The following ZFYVE16 variants were observed in gnomAD, a reference collection of about 807,000 sequenced individuals.
ZFYVE16 encodes zinc finger FYVE-type containing 16.
A neutral mutation model predicts 138.1 loss-of-function variants in ZFYVE16; 89 were observed. The observed-to-expected ratio is 0.64, with a 90% confidence interval of 0.54 to 0.77. The LOEUF (loss-of-function observed/expected upper bound fraction) is 0.77. Ranked by LOEUF, ZFYVE16 falls within the 30% of genes least tolerant of loss-of-function variation. ZFYVE16 has a pLI of 0.00. For missense variants in ZFYVE16, 1,793 were observed against 1,786.7 expected (o/e 1.00, Z -0.06); for synonymous variants, 596 against 618.3 (o/e 0.96, Z 0.53).
intron 15 of ZFYVE16, among the ~76,000 whole-genome samples, chr5:80,471,152 A>T (rs112363451): frequency 0.019 from 2,943 of 152,164 alleles, 87 homozygotes; most frequent in African/African-American, 0.066. Flanking sequence ...GTCCATATGG[A>T]TAAGATAGGG....
intron 1 of ZFYVE16, among the ~76,000 whole-genome samples, chr5:80,415,005 G>A (rs905478123): frequency 1.3e-5 from 2 of 152,144 alleles, no homozygotes; most frequent in Non-Finnish European, 2.9e-5. Context: ...GACCATATCC[G>A]TGGTTTATTT....
At chr5:80,452,528 CT>C (rs1241847391) in intron 11 of ZFYVE16, 1 of 145,830 alleles carries the variant, frequency 6.9e-6, no homozygotes, top group Non-Finnish European at 1.5e-5. Flanking sequence ...GTGTTAATTA[CT>C]TTTGCTAAAA....
chr5:80,445,155 T>G, intron 6 of ZFYVE16, 108 bp from the exon 7 acceptor site: 1 of 1,217,822 alleles, frequency 8.2e-7, no homozygotes, highest in Non-Finnish European at 1.1e-6. Flanking sequence ...AATTCAGGGG[T>G]TGCCAGTGGA....
At chr5:80,473,013 C>G in intron 16 of ZFYVE16, 90 bp downstream of exon 16, 1 of 1,141,690 alleles carries the variant, frequency 8.8e-7, no homozygotes, top group East Asian at 2.6e-5. Flanking sequence ...ATTTTATGAA[C>G]GAATATATAC....
chr5:80,412,078 A>G (rs1173863500), intron 1 of ZFYVE16, among the ~76,000 whole-genome samples: 2 of 152,148 alleles, frequency 1.3e-5, no homozygotes, highest in Admixed American at 6.5e-5. Flanking sequence ...ACAGGCGGGC[A>G]TCACCATGCC....
intron 1 of ZFYVE16, among the ~76,000 whole-genome samples, chr5:80,425,981 A>T (rs1309279981): frequency 6.6e-6 from 1 of 152,166 alleles, no homozygotes; most frequent in Non-Finnish European, 1.5e-5. Context: ...TATTAACTGG[A>T]ATTCTTATCT....
Position 80,480,444 on chromosome 5 carries a change from G to T in ZFYVE16, c.*3067G>T, listed in dbSNP as rs866474308. 2.0e-5 allele frequency among the ~76,000 whole-genome samples: 3 copies of T among 148,642 alleles called. No individual in the cohort carries two copies. Among genetic ancestry groups the T allele is most frequent in the Non-Finnish European group, 4.5e-5 (3 of 66,976 alleles). ...GGAGAAACAGCTGGAAAAAAAAACA[G>T]AAGACCTGTAGAGAATACAGTGAAA... On this transcript the variant is annotated 3_prime_UTR_variant, in exon 19 of 19. Transcript: ENST00000505560.
intron 1 of ZFYVE16, among the ~76,000 whole-genome samples, chr5:80,426,768 T>A (rs555179408): frequency 2.2e-4 from 33 of 152,330 alleles, no homozygotes; most frequent in Admixed American, 2.2e-3. Context: ...ATCTTTATAA[T>A]AGAATGATTT....
rs1454699683 is a variant in ZFYVE16, at chr5:80,479,302, C to T, written c.*1925C>T. ...GGCTTATGTCTTTTAATACTACTCT[C>T]TTTCTCTGAATTTTGAAATATGAAG... On this transcript the variant is annotated 3_prime_UTR_variant, in exon 19 of 19. Coordinates refer to ENST00000505560, the MANE Select transcript of ZFYVE16 (RefSeq NM_001284236.3). The T allele has an allele frequency of 6.6e-6, 1 of 152,206 alleles. No homozygotes were observed. Among genetic ancestry groups the T allele is most frequent in the African/African-American group, 2.4e-5 (1 of 41,458 alleles). The allele number at this position is 152,206 out of a possible 1,614,324, so 9.4% of individuals were successfully genotyped here.
rs1755108499 is a variant in ZFYVE16 at position 80,478,525 on chromosome 5, G to A, written c.*1148G>A. On this transcript the variant is annotated 3_prime_UTR_variant, in exon 19 of 19. Transcript: ENST00000505560. ...GCAAAAAAGTGGGGGGCATATTGTA[G>A]TCCTGTCATTTAAGTTATGTAAAAA... 1 of 151,986 alleles carries A rather than the reference G, an allele frequency of 6.6e-6. No homozygotes were observed. Among genetic ancestry groups the A allele is most frequent in the African/African-American group, 2.4e-5 (1 of 41,396 alleles). 9.4% of individuals were successfully genotyped at this position (151,986 alleles called of 1,614,324 possible).
In ZFYVE16 at chr5:80,455,710, C is replaced by G. The variant is rs1282898218; in HGVS notation, c.3626C>G (p.Thr1209Arg). 1 of 1,600,760 alleles carries G rather than the reference C, an allele frequency of 6.2e-7. No individual in the cohort carries two copies. ...AEYKAYPAPL[T>R]SIRGRKPLFG... ...TGTATAGCATATCCTGCTCCTCTAACAAGCATCAGAGGCCGAAAACCTCTT... is the reference window on the plus strand; with the variant it reads ...TGTATAGCATATCCTGCTCCTCTAAGAAGCATCAGAGGCCGAAAACCTCTT... The change falls in exon 12 of 19, where the codon ACA (threonine) becomes AGA (arginine). Residue 1209 changes from threonine to arginine, a missense_variant. Physicochemically the swap from Thr to Arg is moderately conservative, Grantham distance 71. Transcript: ENST00000505560.
chr5:80,481,448 A>G lies in ZFYVE16; in HGVS notation c.*4071A>G, dbSNP rs1419361692. On this transcript the variant is annotated 3_prime_UTR_variant, in exon 19 of 19. Coordinates refer to ENST00000505560, the MANE Select transcript of ZFYVE16 (RefSeq NM_001284236.3). ...GCAAAGGTTCTGAACACTGAATTAC[A>G]GTGTAGGCCACTGTCCAAGTTTCAG... Among the ~76,000 whole-genome samples, 2 of 152,116 alleles carry G rather than the reference A, an allele frequency of 1.3e-5. No homozygotes were observed. Among genetic ancestry groups the G allele is most frequent in the Non-Finnish European group, 2.9e-5 (2 of 68,020 alleles).
At position 80,437,888 on chromosome 5, in the gene ZFYVE16, T is replaced by A; in HGVS notation, c.1203T>A (p.His401Gln). ...CACGGGGTGATTTTTTACCTCAGCA[T>A]GAACATAAAGATAATATACAAGATG... is the stretch of plus-strand genomic sequence containing the variant. Reference protein sequence around the residue: ...SKARGDFLPQHEHKDNIQDAV... With the variant: ...SKARGDFLPQQEHKDNIQDAV... The change falls in exon 4 of 19, where the codon CAT becomes CAA. Residue 401 changes from histidine (H) to glutamine (Q), a missense_variant. Physicochemically the swap from His to Gln is conservative, Grantham distance 24. Around this residue, in one of 2 missense-constraint regions of ZFYVE16, gnomAD observed 1,295 missense variants for 1,204.3 expected, o/e 1.08. Transcript: ENST00000505560. The A allele has an allele frequency of 1.9e-6, 3 of 1,614,048 alleles. No individual in the cohort carries two copies. The South Asian group carries it at 3.3e-5, about 18-fold the overall frequency.
intron 3 of ZFYVE16, among the ~76,000 whole-genome samples, chr5:80,436,108 C>G (rs1430650037): frequency 6.6e-6 from 1 of 152,206 alleles, no homozygotes; most frequent in Non-Finnish European, 1.5e-5. Context: ...CTGTGGCCAT[C>G]AACAGCTCCA....
rs962060945 is a variant in ZFYVE16 at position 80,474,777 on chromosome 5, A to C, written c.4408A>C (p.Lys1470Gln). 1.1e-5 allele frequency: 17 copies of C among 1,613,610 alleles called. No homozygotes were observed. Among genetic ancestry groups the C allele is most frequent in the Non-Finnish European group, 1.4e-5 (17 of 1,179,688 alleles). Residue 1470 changes from lysine (K) to glutamine (Q), a missense_variant, in exon 18 of 19, where the codon AAA becomes CAA. Around this residue, in one of 2 missense-constraint regions of ZFYVE16, gnomAD observed 498 missense variants for 582.4 expected, o/e 0.86. Transcript: ENST00000505560. ...AALCPHLKTL[K>Q]SNGMNKIGLR... is the part of the protein sequence containing the mutation. ...GCTGTGCCCTCACCTGAAAACTCTAAAAAGTAATGGGATGAATAAAATTGG... is the reference window on the plus strand; with the variant it reads ...GCTGTGCCCTCACCTGAAAACTCTACAAAGTAATGGGATGAATAAAATTGG...
chr5:80,434,948 A>C (rs1269358998), intron 3 of ZFYVE16, among the ~76,000 whole-genome samples: 1 of 151,726 alleles, frequency 6.6e-6, no homozygotes. Flanking sequence ...TGCAACCTCC[A>C]CTTCCCGGGT....
Position 80,428,575 on chromosome 5 carries a change from C to T in ZFYVE16, c.-40+1030C>T, listed in dbSNP as rs559078917. 7.1e-4 allele frequency among the ~76,000 whole-genome samples: 108 copies of T among 152,326 alleles called. 2 individuals are homozygous for T. The highest frequency in any genetic ancestry group is 2.5e-3 in the African/African-American group (102 of 41,576). ...TCTCCTCCCCCAAAGGAACGCAGTT[C>T]CTCACCGGCAATGGAACAAAGCTGG... On this transcript the variant is annotated intron_variant, in intron 2 of 18. Coordinates refer to ENST00000505560, the MANE Select transcript of ZFYVE16 (RefSeq NM_001284236.3).
chr5:80,415,095 A>G (rs993175292), intron 1 of ZFYVE16, among the ~76,000 whole-genome samples: 5 of 152,072 alleles, frequency 3.3e-5, no homozygotes, highest in Admixed American at 6.6e-5. Flanking sequence ...TTGATTCTCT[A>G]ATTTCTAATA....
intron 1 of ZFYVE16, among the ~76,000 whole-genome samples, chr5:80,418,609 T>G (rs1746609104): frequency 6.6e-6 from 1 of 152,140 alleles, no homozygotes; most frequent in Non-Finnish European, 1.5e-5. Context: ...CCACTGTGCC[T>G]GGCCTTGGAT....
Sources: allele counts gnomAD v4.1 joint callset (sites outside exome capture counted in the v4.1 genomes callset), GRCh38; gene constraint gnomAD v4.1.1; regional missense constraint gnomAD v4.1.1; transcripts MANE v1.5; gene names NCBI Gene and HGNC (gene_info 2026-07-23, HGNC 2026-07-21).